Variants in CD200 observed in about 807,000 individuals in gnomAD.
CD200 encodes the protein CD200 molecule, also known as OX-2 membrane glycoprotein.
CD200 carries 15 observed loss-of-function variants against 30.9 expected under a neutral mutation model. The observed-to-expected ratio is 0.49, with a 90% CI of 0.32 to 0.75. The LOEUF is 0.75. Ranked by LOEUF, CD200 falls within the 30% of genes least tolerant of loss-of-function variation. The pLI, the probability that CD200 is intolerant of heterozygous loss-of-function variation, is 0.03. For missense variants in CD200, 262 were observed against 324.2 expected (o/e 0.81, Z 1.47); for synonymous variants, 134 against 126.2 (o/e 1.06, Z -0.41).
chr3:112,353,818 G>A (rs1286245852), intron 5 of CD200, among the ~76,000 whole-genome samples: 1 of 152,176 alleles, frequency 6.6e-6, no homozygotes, highest in Admixed American at 6.5e-5. Flanking sequence ...TGCTCAAAAA[G>A]TACTTATGCT....
chr3:112,347,500 T>A, intron 3 of CD200, 58 bp from the exon 4 acceptor site: 1 of 1,528,300 alleles, frequency 6.5e-7, no homozygotes, highest in Non-Finnish European at 9.0e-7. Context: ...CTGAGGAGAC[T>A]GCAGGACTCA....
At chr3:112,333,507 G>T (rs1261540150) in intron 1 of CD200, 10 of 985,452 alleles carry the variant, frequency 1.0e-5, no homozygotes, top group Non-Finnish European at 1.2e-5. Context: ...GGCTCCGGGG[G>T]CTCTTGATCC....
intron 3 of CD200, 43 bp downstream of exon 3, chr3:112,345,331 T>C (rs773374389): frequency 6.6e-6 from 10 of 1,511,516 alleles, no homozygotes; most frequent in African/African-American, 1.4e-5. Flanking sequence ...GGAAATACTA[T>C]TTGCAAGAAT....
chr3:112,342,191 T>A (rs2081253351), intron 2 of CD200, among the ~76,000 whole-genome samples: 1 of 152,078 alleles, frequency 6.6e-6, no homozygotes, highest in Admixed American at 6.6e-5. Flanking sequence ...GGTAGGAGGT[T>A]TGGAAGTAAG....
At chr3:112,353,986 G>A (rs13093633) in intron 5 of CD200, among the ~76,000 whole-genome samples, 82,558 of 151,890 alleles carry the variant, frequency 0.54, 23,835 homozygotes, top group Non-Finnish European at 0.66. Context: ...TTGAATTCCA[G>A]GGCTATTTTT....
intron 1 of CD200, among the ~76,000 whole-genome samples, chr3:112,338,329 GT>G (rs2081165009): frequency 6.6e-6 from 1 of 152,290 alleles, no homozygotes; most frequent in South Asian, 2.1e-4. Context: ...AAAAGTAGCT[GT>G]TTTGGGTAAA....
chr3:112,351,732 C>T (rs1327004765), intron 5 of CD200, among the ~76,000 whole-genome samples: 1 of 152,036 alleles, frequency 6.6e-6, no homozygotes, highest in Non-Finnish European at 1.5e-5. Flanking sequence ...ACAAAAGTTA[C>T]CTGAGGCTGG....
chr3:112,335,916 T>C, intron 1 of CD200: 1 of 1,540,536 alleles, frequency 6.5e-7, no homozygotes, highest in Non-Finnish European at 9.0e-7. Flanking sequence ...CTCTAATTTT[T>C]ATCATCTCAT....
chr3:112,333,824 G>A, intron 1 of CD200: 1 of 985,328 alleles, frequency 1.0e-6, no homozygotes, highest in Non-Finnish European at 1.2e-6. Context: ...GAAATGCTCT[G>A]TGATCATAAT....
At chr3:112,343,245 C>T (rs1366533029) in intron 2 of CD200, among the ~76,000 whole-genome samples, 1 of 151,342 alleles carries the variant, frequency 6.6e-6, no homozygotes, top group African/African-American at 2.4e-5. Context: ...ATAATATAAA[C>T]ATATAAAACA....
At chr3:112,347,907 GT>G in intron 4 of CD200, 77 bp downstream of exon 4, 1 of 1,298,202 alleles carries the variant, frequency 7.7e-7, no homozygotes, top group Non-Finnish European at 1.1e-6. Context: ...TCCTGCAGAG[GT>G]TTTCAGCCTC....
chr3:112,333,278 G>T (rs1325781969), intron 1 of CD200, 54 bp downstream of exon 1: 13 of 1,533,646 alleles, frequency 8.5e-6, no homozygotes, highest in Non-Finnish European at 1.1e-5. Flanking sequence ...ATGTTGAGCC[G>T]GTGGCCCTGG....
chr3:112,354,259 C>T (rs1448523259), intron 5 of CD200, among the ~76,000 whole-genome samples: 6 of 152,198 alleles, frequency 3.9e-5, no homozygotes, highest in Admixed American at 6.5e-5. Flanking sequence ...GTTCAGTCCT[C>T]AAATGGCATA....
chr3:112,345,340 A>G (rs750086735), intron 3 of CD200, 52 bp downstream of exon 3: 2 of 1,456,180 alleles, frequency 1.4e-6, no homozygotes, highest in Non-Finnish European at 9.6e-7. Context: ...ATTTGCAAGA[A>G]TGTTTGGAAT....
At position 112,333,176 on chromosome 3, in the gene CD200, G is replaced by C. The variant is rs922134433; in HGVS notation, c.-37G>C. ...CTAGCAGAGCTCCAGGCGCACATCC[G>C]CAGTCAGCCACCTCGCGCGCGCCTC... is the stretch of plus-strand genomic sequence containing the variant. On this transcript the variant is annotated 5_prime_UTR_variant, in exon 1 of 6. Transcript: ENST00000315711. 1 of 1,548,740 alleles carries C rather than the reference G, an allele frequency of 6.5e-7. No homozygotes were observed. The highest frequency in any genetic ancestry group is 2.4e-5 in the East Asian group (1 of 40,832).
At position 112,349,817 on chromosome 3, in the gene CD200, G is replaced by T; in HGVS notation, c.800G>T (p.Arg267Leu). ...LYWKRHRNQD[R>L]EP ...TGGAAACGTCACCGGAATCAGGACC[G>T]AGGTGAGTTGTCACAGGGAGTTCAA... is the stretch of plus-strand genomic sequence containing the variant. The change falls in exon 5 of 6, where the codon CGA (arginine) becomes CTA (leucine). Residue 267 changes from arginine to leucine, a missense_variant and splice_region_variant. Transcript: ENST00000315711. 1 of 1,605,402 alleles carries T rather than the reference G, an allele frequency of 6.2e-7. No homozygotes were observed. Among genetic ancestry groups the T allele is most frequent in the Admixed American group, 1.7e-5 (1 of 58,282 alleles).
chr3:112,355,874 T>G lies in CD200; in HGVS notation c.803-5669T>G, dbSNP rs143005072. Among the ~76,000 whole-genome samples the G allele has an allele frequency of 6.5e-3, 983 of 150,176 alleles. 13 individuals carry two copies. The highest frequency in any genetic ancestry group is 0.023 in the African/African-American group (945 of 40,778). The stretch of plus-strand genomic sequence containing the variant: ...AAATGTTAGAAATATCAGAAAAAAA[T>G]TAAGAAATAAAAGTATGTTCAGTAC... On this transcript the variant is annotated intron_variant, in intron 5 of 5. Coordinates refer to ENST00000315711, the MANE Select transcript of CD200 (RefSeq NM_005944.7).
chr3:112,340,972 G>A lies in CD200; in HGVS notation c.83G>A (p.Cys28Tyr), dbSNP rs2081225697. ...LVWVMAAVVL[C>Y]TAQVQVVTQD... ...TGGGTCATGGCAGCAGTGGTGCTGT[G>A]CACAGCACAAGGTAAAGAAACTCAA... Residue 28 changes from cysteine (C) to tyrosine (Y), a missense_variant, in exon 2 of 6, where the codon TGC becomes TAC. By Grantham distance (194) the Cys-to-Tyr change is radical. Transcript: ENST00000315711. 1 of 1,609,096 alleles carries A rather than the reference G, an allele frequency of 6.2e-7. No individual in the cohort carries two copies.
intron 4 of CD200, among the ~76,000 whole-genome samples, chr3:112,348,797 G>A (rs915915927): frequency 6.6e-6 from 1 of 152,022 alleles, no homozygotes; most frequent in Non-Finnish European, 1.5e-5. Context: ...GTTGGATTTG[G>A]ATATTTGTGA....
Sources: allele counts gnomAD v4.1 joint callset (sites outside exome capture counted in the v4.1 genomes callset), GRCh38; gene constraint gnomAD v4.1.1; transcripts MANE v1.5; gene names NCBI Gene and HGNC (gene_info 2026-07-23, HGNC 2026-07-21).